ARNT2: variants seen among roughly 807,000 people sequenced by gnomAD.
ARNT2 encodes aryl hydrocarbon receptor nuclear translocator 2.
A neutral mutation model predicts 91.7 loss-of-function variants in ARNT2; 36 were observed. That is an observed-to-expected ratio of 0.39 (90% CI 0.30 to 0.52). The LOEUF (loss-of-function observed/expected upper bound fraction) is 0.52. ARNT2 is among the 20% of genes least tolerant of loss of function. The pLI is 0.72. For synonymous variants in ARNT2, 365 were observed against 347.1 expected (o/e 1.05, Z -0.57); for missense variants, 775 against 939.3 (o/e 0.83, Z 2.29).
At chr15:80,574,549 C>T (rs1898635914) in intron 13 of ARNT2, among the ~76,000 whole-genome samples, 1 of 152,206 alleles carries the variant, frequency 6.6e-6, no homozygotes, top group Non-Finnish European at 1.5e-5. Flanking sequence ...TCCCCTTGGG[C>T]CCCTTGGCTT....
chr15:80,482,721 T>TAGTC (rs1380239976), intron 5 of ARNT2, among the ~76,000 whole-genome samples: 1 of 152,194 alleles, frequency 6.6e-6, no homozygotes, highest in African/African-American at 2.4e-5. Context: ...GGATCCTGTG[T>TAGTC]AGTCTAGTGG....
intron 1 of ARNT2, among the ~76,000 whole-genome samples, chr15:80,406,669 C>CTT: frequency 6.6e-6 from 1 of 152,150 alleles, no homozygotes; most frequent in Non-Finnish European, 1.5e-5. Context: ...CCTTGGACTG[C>CTT]GGGAGACTTG....
At chr15:80,498,054 C>G (rs1897143591) in intron 5 of ARNT2, among the ~76,000 whole-genome samples, 1 of 152,182 alleles carries the variant, frequency 6.6e-6, no homozygotes, top group African/African-American at 2.4e-5. Context: ...GTACAGCCAG[C>G]TGCACCATCG....
At chr15:80,529,617 A>T (rs895534947) in intron 8 of ARNT2, among the ~76,000 whole-genome samples, 2 of 148,054 alleles carry the variant, frequency 1.4e-5, no homozygotes, top group Non-Finnish European at 3.0e-5. Flanking sequence ...CTTCATTTTC[A>T]TTATTGCCCG....
intron 1 of ARNT2, among the ~76,000 whole-genome samples, chr15:80,423,511 A>G (rs1156286748): frequency 6.6e-6 from 1 of 152,160 alleles, no homozygotes; most frequent in Non-Finnish European, 1.5e-5. Flanking sequence ...TACTTATTTG[A>G]ACTATTGATA....
At chr15:80,500,982 G>T (rs566913228) in intron 5 of ARNT2, among the ~76,000 whole-genome samples, 12 of 152,282 alleles carry the variant, frequency 7.9e-5, no homozygotes, top group African/African-American at 2.9e-4. Flanking sequence ...TTTGAGGTAA[G>T]GTGGTCATAA....
chr15:80,555,455 T>C, intron 11 of ARNT2: 1 of 315,094 alleles, frequency 3.2e-6, no homozygotes, highest in East Asian at 5.3e-5. Context: ...CTGGGATGGG[T>C]CTTAAAGGAT....
chr15:80,519,005 C>A (rs1897488260), intron 8 of ARNT2, among the ~76,000 whole-genome samples: 1 of 152,048 alleles, frequency 6.6e-6, no homozygotes, highest in African/African-American at 2.4e-5. Context: ...AGTGTGGGGG[C>A]CCATTTTTGT....
chr15:80,524,125 A>G (rs1897596227), intron 8 of ARNT2, among the ~76,000 whole-genome samples: 1 of 152,232 alleles, frequency 6.6e-6, no homozygotes, highest in South Asian at 2.1e-4. Flanking sequence ...GTGCTAAAAA[A>G]TGTGTATACA....
intron 5 of ARNT2, among the ~76,000 whole-genome samples, chr15:80,495,810 T>G (rs1897118973): frequency 6.6e-6 from 1 of 152,150 alleles, no homozygotes; most frequent in African/African-American, 2.4e-5. Context: ...CCTTCCACTT[T>G]CCCCACACCT....
chr15:80,550,193 A>G (rs1156922109), intron 8 of ARNT2, among the ~76,000 whole-genome samples: 2 of 152,226 alleles, frequency 1.3e-5, no homozygotes, highest in Admixed American at 1.3e-4. Flanking sequence ...TGCAGTAAGG[A>G]TAAACCAGAA....
chr15:80,545,556 C>T (rs1255552206), intron 8 of ARNT2, among the ~76,000 whole-genome samples: 4 of 152,180 alleles, frequency 2.6e-5, no homozygotes, highest in Admixed American at 2.0e-4. Flanking sequence ...GGAGAGCTAA[C>T]TGAAGTCGAA....
intron 1 of ARNT2, among the ~76,000 whole-genome samples, chr15:80,405,516 C>CT (rs758874470): frequency 1.1e-4 from 16 of 152,192 alleles, no homozygotes; most frequent in Non-Finnish European, 1.9e-4. Flanking sequence ...ACAGCAATGC[C>CT]TAGCAAAGAA....
chr15:80,484,514 G>A (rs1487492141), intron 5 of ARNT2, among the ~76,000 whole-genome samples: 1 of 152,216 alleles, frequency 6.6e-6, no homozygotes, highest in African/African-American at 2.4e-5. Context: ...AGCCAGTTCA[G>A]TTCTTTCTCG....
chr15:80,500,419 T>C (rs74029838), intron 5 of ARNT2, among the ~76,000 whole-genome samples: 2,671 of 152,340 alleles, frequency 0.018, 81 homozygotes, highest in African/African-American at 0.061. Flanking sequence ...TTCCTCCTTT[T>C]TGAACCAAGA....
At chr15:80,431,121 C>A (rs563255675) in intron 1 of ARNT2, among the ~76,000 whole-genome samples, 1 of 152,284 alleles carries the variant, frequency 6.6e-6, no homozygotes, top group East Asian at 1.9e-4. Context: ...CACCTGCCAC[C>A]ACCACCCCAT....
intron 6 of ARNT2, among the ~76,000 whole-genome samples, chr15:80,511,382 G>A (rs1419395693): frequency 6.6e-6 from 1 of 152,262 alleles, no homozygotes; most frequent in African/African-American, 2.4e-5. Flanking sequence ...TCAGAGGGTG[G>A]AGGGTGGGAG....
Position 80,584,639 on chromosome 15 carries a change from G to A in ARNT2, c.1918+3235G>A, listed in dbSNP as rs145803604. ...ACAAAGCAGGCTTAAAAAACAGGCC[G>A]TGTTTACATTTGCAATGGACACACA... On this transcript the variant is annotated intron_variant, in intron 17 of 18. Coordinates refer to ENST00000303329, the MANE Select transcript of ARNT2 (RefSeq NM_014862.4). 3.5e-3 allele frequency among the ~76,000 whole-genome samples: 533 copies of A among 152,334 alleles called. 2 individuals carry two copies. The highest frequency in any genetic ancestry group is 5.7e-3 in the Non-Finnish European group (388 of 68,028).
chr15:80,491,857 G>T (rs956443673), intron 5 of ARNT2, among the ~76,000 whole-genome samples: 2 of 101,900 alleles, frequency 2.0e-5, no homozygotes, highest in African/African-American at 7.9e-5. Context: ...AGCACCTTTG[G>T]TTTTTTGGTG....
Sources: allele counts gnomAD v4.1 joint callset (sites outside exome capture counted in the v4.1 genomes callset), GRCh38; gene constraint gnomAD v4.1.1; transcripts MANE v1.5; gene names NCBI Gene and HGNC (gene_info 2026-07-23, HGNC 2026-07-21).